LEPROTL1: variants seen among roughly 807,000 people sequenced by gnomAD.
LEPROTL1 encodes the protein leptin receptor overlapping transcript like 1.
A neutral mutation model predicts 15.4 loss-of-function variants in LEPROTL1; 6 were observed. The observed-to-expected ratio is 0.39, with a 90% CI of 0.21 to 0.77. The LOEUF (loss-of-function observed/expected upper bound fraction) is 0.77. LEPROTL1 is among the 30% of genes least tolerant of loss of function. The probability of loss-of-function intolerance (pLI) is 0.41; values close to 1 mark genes in which losing one functional copy is unlikely to be tolerated. For missense variants in LEPROTL1, 128 were observed against 158.1 expected (o/e 0.81, Z 1.02); for synonymous variants, 56 against 52.6 (o/e 1.06, Z -0.28).
downstream of LEPROTL1, among the ~76,000 whole-genome samples, chr8:30,110,769 A>T (rs1210314436): frequency 6.6e-6 from 1 of 152,166 alleles, no homozygotes; most frequent in Non-Finnish European, 1.5e-5. Flanking sequence ...GTCTAATACT[A>T]TGAAAGAGAA....
chr8:30,136,542 C>T (rs2117541444), intron 4 of LEPROTL1, among the ~76,000 whole-genome samples: 1 of 152,318 alleles, frequency 6.6e-6, no homozygotes, highest in East Asian at 1.9e-4. Context: ...TCTGCTCCAG[C>T]CTGCCTCGCA....
At chr8:30,131,259 CATATATATATATGTGTGTGTATATAT>C (rs1803006487) in intron 3 of LEPROTL1, among the ~76,000 whole-genome samples, 1 of 141,322 alleles carries the variant, frequency 7.1e-6, no homozygotes, top group African/African-American at 2.7e-5. Flanking sequence ...CCCAAATATA[CATATATATATATGTGTGTGTATATAT>C]ATATATATAT....
Position 30,106,233 on chromosome 8 carries a change from G to A in LEPROTL1, c.*371G>A, listed in dbSNP as rs192557960. The A allele has an allele frequency of 1.6e-4, 156 of 985,996 alleles. No individual in the cohort carries two copies. The African/African-American group carries it at 2.1e-3, about 13-fold the overall frequency. The allele number at this position is 985,996 out of a possible 1,614,324, so 61.1% of individuals were successfully genotyped here. A position where few individuals can be genotyped will look rare whatever the true frequency, so the allele number is the denominator to read the frequency against. On this transcript the variant is annotated 3_prime_UTR_variant, in exon 4 of 4. Coordinates refer to ENST00000321250, the MANE Select transcript of LEPROTL1 (RefSeq NM_015344.3). ...TTGGTTAGGAATTCAGAATTCCGCC[G>A]GCTCTATTACTGGTCAAGTACATCT...
chr8:30,100,481 G>A (rs1802447712), intron 1 of LEPROTL1, among the ~76,000 whole-genome samples: 1 of 152,034 alleles, frequency 6.6e-6, no homozygotes, highest in South Asian at 2.1e-4. Flanking sequence ...ATGGAGTCTT[G>A]CTCTGTCGCA....
chr8:30,125,401 A>G (rs1802889171), intron 3 of LEPROTL1, among the ~76,000 whole-genome samples: 1 of 152,182 alleles, frequency 6.6e-6, no homozygotes, highest in African/African-American at 2.4e-5. Context: ...GAGCCACAAA[A>G]ATATCACTTT....
rs1183104115 is a variant in LEPROTL1 at position 30,106,681 on chromosome 8, C to A, written c.*819C>A. ...GACATTGAAATTCCAGTTTTTGAAT[C>A]CTGTTTCTATTTATAAGTGAAATTT... On this transcript the variant is annotated 3_prime_UTR_variant, in exon 4 of 4. Transcript: ENST00000321250. The A allele has an allele frequency of 3.1e-6, 3 of 983,510 alleles. No individual in the cohort carries two copies. The allele number at this position is 983,510 out of a possible 1,614,324, so 60.9% of individuals were successfully genotyped here.
At chr8:30,134,744 C>T (rs1368680790) in intron 4 of LEPROTL1, among the ~76,000 whole-genome samples, 4 of 152,144 alleles carry the variant, frequency 2.6e-5, no homozygotes, top group African/African-American at 4.8e-5. Flanking sequence ...GACAGGGTTT[C>T]GCCATGTCTG....
chr8:30,119,430 C>T (rs576379330), intron 3 of LEPROTL1, among the ~76,000 whole-genome samples: 9 of 152,308 alleles, frequency 5.9e-5, no homozygotes, highest in African/African-American at 1.7e-4. Flanking sequence ...TCCCTGTGTC[C>T]TCACACAGAA....
In LEPROTL1 at chr8:30,104,505, C is replaced by A. The variant is rs750459016; in HGVS notation, c.279+19C>A. The A allele has an allele frequency of 1.3e-6, 2 of 1,506,072 alleles. No individual in the cohort carries two copies. The highest frequency in any genetic ancestry group is 1.3e-5 in the South Asian group (1 of 74,806). The allele number at this position is 1,506,072 out of a possible 1,614,324, so 93.3% of individuals were successfully genotyped here. A position where few individuals can be genotyped will look rare whatever the true frequency, so the allele number is the denominator to read the frequency against. ...ACATCTGGTAAGTGAATATATTCTTCCATTAATGATTTTATATTGAACATG... is the reference window on the plus strand; with the variant it reads ...ACATCTGGTAAGTGAATATATTCTTACATTAATGATTTTATATTGAACATG... On this transcript the variant is annotated intron_variant, in intron 3 of 3. Coordinates refer to ENST00000321250, the MANE Select transcript of LEPROTL1 (RefSeq NM_015344.3).
At chr8:30,112,663 T>C (rs949306887), downstream of LEPROTL1, among the ~76,000 whole-genome samples, 3 of 151,908 alleles carry the variant, frequency 2.0e-5, no homozygotes, top group Non-Finnish European at 4.4e-5. Context: ...AACTTCTAGC[T>C]CTTCTTGATG....
At chr8:30,102,115 A>G in intron 2 of LEPROTL1, 142 bp downstream of exon 2, 2 of 560,126 alleles carry the variant, frequency 3.6e-6, no homozygotes, top group Non-Finnish European at 6.2e-6. Flanking sequence ...AAAAATCACC[A>G]CTTAAAGTTT....
chr8:30,114,573 G>C (rs1434005623), intron 3 of LEPROTL1, among the ~76,000 whole-genome samples: 2 of 152,176 alleles, frequency 1.3e-5, no homozygotes, highest in Non-Finnish European at 2.9e-5. Context: ...TTGCAGGCGT[G>C]AGCCACTGCG....
intron 3 of LEPROTL1, among the ~76,000 whole-genome samples, chr8:30,115,793 T>C (rs1802732195): frequency 6.6e-6 from 1 of 152,034 alleles, no homozygotes; most frequent in South Asian, 2.1e-4. Flanking sequence ...TACTTTATAT[T>C]ACCCACAAAT....
intron 3 of LEPROTL1, chr8:30,104,718 T>C: frequency 5.1e-5 from 16 of 315,894 alleles, no homozygotes; most frequent in South Asian, 8.4e-5. Context: ...TTTTTTCTTT[T>C]TTTTTTTTTT....
downstream of LEPROTL1, among the ~76,000 whole-genome samples, chr8:30,112,595 A>G (rs979956826): frequency 6.6e-6 from 1 of 151,476 alleles, no homozygotes; most frequent in Non-Finnish European, 1.5e-5. Context: ...GAGGGTTTAC[A>G]TGGTAGCACA....
At chr8:30,109,268 AAATTCGTAT>A (rs1314966867), downstream of LEPROTL1, among the ~76,000 whole-genome samples, 1 of 152,318 alleles carries the variant, frequency 6.6e-6, no homozygotes, top group Non-Finnish European at 1.5e-5. Context: ...TGGGAAATTG[AAATTCGTAT>A]TTCTTCTCTA....
At chr8:30,096,310 A>G (rs1802366003) in intron 1 of LEPROTL1, 2 of 982,226 alleles carry the variant, frequency 2.0e-6, no homozygotes, top group Admixed American at 1.2e-4. Context: ...TCCACCTGTT[A>G]GGTAGTTTTG....
intron 3 of LEPROTL1, among the ~76,000 whole-genome samples, chr8:30,114,949 T>C (rs1338749158): frequency 6.6e-6 from 1 of 152,114 alleles, no homozygotes; most frequent in Non-Finnish European, 1.5e-5. Context: ...CCACACCTGA[T>C]CTCAAGACAT....
intron 3 of LEPROTL1, among the ~76,000 whole-genome samples, chr8:30,115,230 C>T (rs549601093): frequency 1.3e-4 from 20 of 151,964 alleles, no homozygotes; most frequent in South Asian, 6.2e-4. Context: ...GATGTGGTGC[C>T]GCTGTGGTCC....
Sources: gnomAD v4.1 joint callset for allele counts (sites outside exome capture counted in the v4.1 genomes callset) on GRCh38, gnomAD v4.1.1 for gene constraint, MANE v1.5 for transcripts, NCBI Gene and HGNC (gene_info 2026-07-23, HGNC 2026-07-21) for gene names.